Variants in AGAP3 observed in about 807,000 individuals in gnomAD.
AGAP3 encodes ArfGAP with GTPase domain, ankyrin repeat and PH domain 3.
Under a neutral mutation model 96.9 loss-of-function variants are expected in AGAP3, and 24 were observed. The observed-to-expected ratio is 0.25, with a 90% CI of 0.18 to 0.35. The LOEUF is 0.35. Among genes scored for constraint, AGAP3 ranks in the 10% least tolerant of loss-of-function variants. The pLI is 1.00. For missense variants in AGAP3, 876 were observed against 1,254.2 expected (o/e 0.70, Z 4.55); for synonymous variants, 563 against 536.1 (o/e 1.05, Z -0.69).
chr7:151,117,358 C>A lies in AGAP3; in HGVS notation c.479-13C>A, dbSNP rs776632154. The A allele has an allele frequency of 3.7e-6, 6 of 1,614,080 alleles. No homozygotes were observed. The South Asian group carries it at 4.4e-5, about 12-fold the overall frequency. On this transcript the variant is annotated splice_polypyrimidine_tract_variant and intron_variant, in intron 3 of 17. Transcript: ENST00000397238. ...TCTCCACACTTTGGACCTGACTGCG[C>A]GCTCTGTCCTAGGGGGGCGGTTTAA...
Position 151,141,878 on chromosome 7 carries a change from C to T in AGAP3, c.1805-20C>T. On this transcript the variant is annotated intron_variant, in intron 13 of 17. Transcript: ENST00000397238. The surrounding 1 kb of genome is among the most constrained non-coding windows in gnomAD (Gnocchi z 4.2). ...GCACGCAGGCCAGGAGCCCTGATGG[C>T]ATAAACACCCCCCCAACAGAGGCAG... 1 of 1,614,138 alleles carries T rather than the reference C, an allele frequency of 6.2e-7. No individual in the cohort carries two copies. Among genetic ancestry groups the T allele is most frequent in the Non-Finnish European group, 8.5e-7 (1 of 1,180,016 alleles).
chr7:151,111,000 C>T (rs1281747453), intron 1 of AGAP3, among the ~76,000 whole-genome samples: 2 of 152,108 alleles, frequency 1.3e-5, no homozygotes, highest in African/African-American at 4.8e-5. Flanking sequence ...GACTGTGGCC[C>T]CACTGGGGAG....
At chr7:151,111,836 T>A (rs988964381) in intron 1 of AGAP3, among the ~76,000 whole-genome samples, 12 of 152,012 alleles carry the variant, frequency 7.9e-5, no homozygotes, top group African/African-American at 2.2e-4. Context: ...CCCCTGAGAG[T>A]CACATTCAGT....
In AGAP3 at chr7:151,123,167, T is replaced by A; in HGVS notation, c.1129-627T>A. 3.7e-6 allele frequency: 4 copies of A among 1,076,298 alleles called. No individual in the cohort carries two copies. In the South Asian group the frequency reaches 1.2e-4, roughly 33 times the overall value. 66.7% of individuals were successfully genotyped at this position (1,076,298 alleles called of 1,614,324 possible). A position where few individuals can be genotyped will look rare whatever the true frequency, so the allele number is the denominator to read the frequency against. ...TCCTCTGCTCCTTCCTGCATGGACC[T>A]CTGCCGTTCCTGCTCCTGCTCCGGA... On this transcript the variant is annotated intron_variant, in intron 8 of 17. Transcript: ENST00000397238.
chr7:151,102,080 A>C (rs937727717), intron 1 of AGAP3, among the ~76,000 whole-genome samples: 1 of 152,190 alleles, frequency 6.6e-6, no homozygotes, highest in Non-Finnish European at 1.5e-5. Context: ...CTCGAGGTGC[A>C]GTCCCTTTGC....
chr7:151,143,623 T>C lies in AGAP3; in HGVS notation c.2529+27T>C. The C allele has an allele frequency of 6.3e-7, 1 of 1,596,578 alleles. No individual in the cohort carries two copies. Among genetic ancestry groups the C allele is most frequent in the East Asian group, 2.2e-5 (1 of 44,686 alleles). On this transcript the variant is annotated intron_variant, in intron 17 of 17. Transcript: ENST00000397238. The surrounding 1 kb of genome is among the most constrained non-coding windows in gnomAD (Gnocchi z 5.9). ...TGAGTCACGTGCCTCTAGCCTGCCC[T>C]GACCTCGCTCTTCTTAGCCTTGTTC...
chr7:151,107,886 G>T (rs1490025574), intron 1 of AGAP3, among the ~76,000 whole-genome samples: 3 of 152,248 alleles, frequency 2.0e-5, no homozygotes, highest in Non-Finnish European at 2.9e-5. Context: ...TTCATATTCT[G>T]AGTCTGGAGC....
At position 151,119,528 on chromosome 7, in the gene AGAP3, G is replaced by A. The variant is rs368077690; in HGVS notation, c.970-459G>A. On this transcript the variant is annotated intron_variant, in intron 7 of 17. Transcript: ENST00000397238. The stretch of plus-strand genomic sequence containing the variant: ...GCCATGGGCATGCTAGAAACATGCT[G>A]CAGTGCCCTGGGCCACCTCCGGCTC... 2.6e-3 allele frequency among the ~76,000 whole-genome samples: 402 copies of A among 152,346 alleles called. 4 individuals are homozygous for A. Among genetic ancestry groups the A allele is most frequent in the African/African-American group, 9.2e-3 (384 of 41,582 alleles).
At chr7:151,125,521 G>A (rs549566213) in intron 9 of AGAP3, among the ~76,000 whole-genome samples, 1 of 152,360 alleles carries the variant, frequency 6.6e-6, no homozygotes, top group East Asian at 1.9e-4. Context: ...CTGGGGGCAG[G>A]TGTCAGAGGC....
intron 8 of AGAP3, chr7:151,123,450 C>T (rs1800013650): frequency 4.4e-6 from 5 of 1,148,852 alleles, no homozygotes; most frequent in Non-Finnish European, 5.4e-6. Context: ...GGTTGTCGCG[C>T]CCTGTGCTCC....
At chr7:151,119,569 C>G (rs1026879496) in intron 7 of AGAP3, among the ~76,000 whole-genome samples, 1 of 152,224 alleles carries the variant, frequency 6.6e-6, no homozygotes, top group African/African-American at 2.4e-5. Context: ...TCCTGGCCTC[C>G]TGCACTCTAA....
chr7:151,120,656 A>G (rs1799837475), intron 8 of AGAP3: 3 of 1,282,050 alleles, frequency 2.3e-6, no homozygotes, highest in East Asian at 5.6e-5. Flanking sequence ...GGGAAAATTC[A>G]TGCTTTCCAC....
chr7:151,101,476 A>G (rs1471241875), intron 1 of AGAP3, among the ~76,000 whole-genome samples: 1 of 152,174 alleles, frequency 6.6e-6, no homozygotes, highest in Non-Finnish European at 1.5e-5. Context: ...GGCACTCATC[A>G]GGGGTGCCCA....
Position 151,140,232 on chromosome 7 carries a change from C to G in AGAP3, c.1804+116C>G. 2 of 1,176,364 alleles carry G rather than the reference C, an allele frequency of 1.7e-6. No homozygotes were observed. 72.9% of individuals were successfully genotyped at this position (1,176,364 alleles called of 1,614,324 possible). ...TTGTATTCAGTGGATTAAGCACTTT[C>G]TAGTAGTTGCTAATCAAAGTAGTTC... On this transcript the variant is annotated intron_variant, in intron 13 of 17. Coordinates refer to ENST00000397238, the MANE Select transcript of AGAP3 (RefSeq NM_031946.7). The surrounding 1 kb of genome is among the most constrained non-coding windows in gnomAD (Gnocchi z 5.4).
At chr7:151,097,517 C>CAAAAAAA (rs67915216) in intron 1 of AGAP3, among the ~76,000 whole-genome samples, 1 of 95,664 alleles carries the variant, frequency 1.0e-5, no homozygotes, top group African/African-American at 3.7e-5. Context: ...GACTCTGTCT[C>CAAAAAAA]AAAAAAAAAA....
Position 151,086,950 on chromosome 7 carries a change from G to A in AGAP3, c.209G>A (p.Arg70Gln). The A allele has an allele frequency of 6.2e-7, 1 of 1,611,198 alleles. No individual in the cohort carries two copies. Among genetic ancestry groups the A allele is most frequent in the East Asian group, 2.2e-5 (1 of 44,644 alleles). ...QFALSNSAAI[R>Q]AEIQRFESVH... ...GCGCTCTCCAACTCCGCGGCCATCC[G>A]GGCCGAGATCCAGCGCTTCGAGTCC... is the stretch of plus-strand genomic sequence containing the variant. Residue 70 changes from arginine to glutamine, a missense_variant, in exon 1 of 18, where the codon CGG (arginine) becomes CAG (glutamine). Arg to Gln is a conservative substitution (Grantham distance 43). This residue lies in a region of AGAP3 where 62 missense variants were observed against 82.8 expected (regional missense o/e 0.75). Transcript: ENST00000397238.
intron 1 of AGAP3, 102 bp from the exon 2 acceptor site, chr7:151,116,691 G>A (rs1799600323): frequency 2.2e-6 from 3 of 1,355,162 alleles, no homozygotes; most frequent in Non-Finnish European, 3.2e-6. Flanking sequence ...GCTGTCCTCT[G>A]GCCTGGGCTT....
intron 12 of AGAP3, among the ~76,000 whole-genome samples, chr7:151,138,738 G>T (rs2150530831): frequency 6.6e-6 from 1 of 152,326 alleles, no homozygotes; most frequent in African/African-American, 2.4e-5. Context: ...TGAGTAGGGA[G>T]GTCGGACGGA....
Position 151,144,038 on chromosome 7 carries a change from G to C in AGAP3, c.*95G>C, listed in dbSNP as rs1800927614. On this transcript the variant is annotated 3_prime_UTR_variant, in exon 18 of 18. Coordinates refer to ENST00000397238, the MANE Select transcript of AGAP3 (RefSeq NM_031946.7). Reference sequence around the variant, plus strand: ...TGGGAACAGACACAGAGATGGAGAAGCAGGGACATGCTGAGAGGACGAAGC... The same window carrying C: ...TGGGAACAGACACAGAGATGGAGAACCAGGGACATGCTGAGAGGACGAAGC... The C allele has an allele frequency of 7.6e-7, 1 of 1,320,658 alleles. No homozygotes were observed. Among genetic ancestry groups the C allele is most frequent in the Non-Finnish European group, 1.0e-6 (1 of 952,412 alleles). 81.8% of individuals were successfully genotyped at this position (1,320,658 alleles called of 1,614,324 possible).
Sources: allele counts gnomAD v4.1 joint callset (sites outside exome capture counted in the v4.1 genomes callset), GRCh38; gene constraint gnomAD v4.1.1; regional missense constraint gnomAD v4.1.1; non-coding constraint Gnocchi (gnomAD v3.1); transcripts MANE v1.5; gene names NCBI Gene and HGNC (gene_info 2026-07-23, HGNC 2026-07-21).